Variants in STPG2 observed in about 807,000 individuals in gnomAD.
The protein encoded by STPG2 is sperm tail PG-rich repeat containing 2, also known as sperm-tail PG-rich repeat-containing protein 2.
In STPG2, 56 loss-of-function variants were observed where a neutral mutation model predicts 54.2. The observed-to-expected ratio is 1.03, with a 90% CI of 0.83 to 1.29. The LOEUF (loss-of-function observed/expected upper bound fraction) is 1.29. STPG2 is among the 50% of genes most tolerant of loss of function. The probability of loss-of-function intolerance (pLI) is 0.00; values close to 1 mark genes in which losing one functional copy is unlikely to be tolerated. For synonymous variants in STPG2, 200 were observed against 181.8 expected (o/e 1.10, Z -0.81); for missense variants, 596 against 544.9 (o/e 1.09, Z -0.93).
chr4:97,820,761 G>T (rs1728060925), intron 9 of STPG2, among the ~76,000 whole-genome samples: 1 of 152,070 alleles, frequency 6.6e-6, no homozygotes, highest in Non-Finnish European at 1.5e-5. Context: ...CATATCACAT[G>T]GTGGGAGCAG....
At chr4:98,053,787 T>C (rs747142546) in intron 5 of STPG2, among the ~76,000 whole-genome samples, 24 of 152,152 alleles carry the variant, frequency 1.6e-4, no homozygotes, top group Non-Finnish European at 3.4e-4. Context: ...GCTAAAGATA[T>C]ATAAATCCTG....
chr4:97,639,965 T>C (rs994726409), intron 10 of STPG2, among the ~76,000 whole-genome samples: 5 of 152,108 alleles, frequency 3.3e-5, no homozygotes, highest in African/African-American at 1.2e-4. Context: ...TAACATTTTG[T>C]AGCAACCGTA....
chr4:97,562,133 G>C (rs1306352078), intron 10 of STPG2, among the ~76,000 whole-genome samples: 1 of 152,074 alleles, frequency 6.6e-6, no homozygotes, highest in African/African-American at 2.4e-5. Flanking sequence ...GTGGTTTGTA[G>C]TTCTCCTTGA....
chr4:97,902,487 T>C (rs1168773187), intron 8 of STPG2, among the ~76,000 whole-genome samples: 3 of 152,128 alleles, frequency 2.0e-5, no homozygotes, highest in Admixed American at 6.5e-5. Flanking sequence ...GGCAAAATAC[T>C]TGAATAAGAT....
chr4:97,554,228 G>A (rs895395430), downstream of STPG2, among the ~76,000 whole-genome samples: 4 of 152,134 alleles, frequency 2.6e-5, no homozygotes, highest in Non-Finnish European at 2.9e-5. Context: ...CTCACTCTAT[G>A]CTGAGCAGTG....
chr4:97,570,666 A>G (rs1053816618), intron 10 of STPG2, among the ~76,000 whole-genome samples: 1 of 152,134 alleles, frequency 6.6e-6, no homozygotes, highest in Non-Finnish European at 1.5e-5. Context: ...GTACAGAGGA[A>G]TCTACATTAA....
At chr4:97,972,822 GTACAACC>G (rs1396118298) in intron 6 of STPG2, among the ~76,000 whole-genome samples, 1 of 152,178 alleles carries the variant, frequency 6.6e-6, no homozygotes, top group African/African-American at 2.4e-5. Context: ...GAGTTTCCCT[GTACAACC>G]TCTCTTCTCT....
chr4:97,453,644 G>C (rs1729436041), intron 4 of STPG2, among the ~76,000 whole-genome samples: 1 of 152,162 alleles, frequency 6.6e-6, no homozygotes, highest in Non-Finnish European at 1.5e-5. Flanking sequence ...CAGGCCTCCT[G>C]TTTCCCATCC....
intron 5 of STPG2, among the ~76,000 whole-genome samples, chr4:98,014,027 G>C (rs1735844136): frequency 6.6e-6 from 1 of 151,866 alleles, no homozygotes; most frequent in Non-Finnish European, 1.5e-5. Context: ...GGATTTGTTT[G>C]CTCTTGCTTC....
chr4:98,071,975 T>A (rs922297127), intron 5 of STPG2, among the ~76,000 whole-genome samples: 2 of 152,130 alleles, frequency 1.3e-5, no homozygotes, highest in African/African-American at 4.8e-5. Flanking sequence ...GTAAACTAGT[T>A]CAACCATTGT....
At chr4:98,022,855 G>C (rs892653441) in intron 5 of STPG2, among the ~76,000 whole-genome samples, 4 of 152,150 alleles carry the variant, frequency 2.6e-5, no homozygotes, top group Non-Finnish European at 5.9e-5. Context: ...TCGAGCGTTG[G>C]CTTTCAGCTC....
At chr4:97,697,611 G>A (rs932932529) in intron 10 of STPG2, among the ~76,000 whole-genome samples, 5 of 152,136 alleles carry the variant, frequency 3.3e-5, no homozygotes, top group African/African-American at 1.2e-4. Flanking sequence ...CAAAAAGGGG[G>A]AACTTGTTGG....
chr4:97,710,929 C>T (rs1188874351), intron 10 of STPG2, among the ~76,000 whole-genome samples: 2 of 151,752 alleles, frequency 1.3e-5, no homozygotes, highest in South Asian at 4.2e-4. Context: ...TCAAGAATAC[C>T]TTAACAAACA....
At chr4:98,101,689 T>C (rs1445614985) in intron 5 of STPG2, among the ~76,000 whole-genome samples, 1 of 152,100 alleles carries the variant, frequency 6.6e-6, no homozygotes, top group Non-Finnish European at 1.5e-5. Flanking sequence ...TATCACCTGA[T>C]CACAAATTTA....
At chr4:97,984,113 A>G (rs1734758789) in intron 5 of STPG2, among the ~76,000 whole-genome samples, 2 of 152,162 alleles carry the variant, frequency 1.3e-5, no homozygotes, top group Admixed American at 1.3e-4. Flanking sequence ...TACCATCCCA[A>G]TAAACCAACC....
At chr4:98,134,110 T>C (rs1199220573) in intron 2 of STPG2, among the ~76,000 whole-genome samples, 2 of 151,988 alleles carry the variant, frequency 1.3e-5, no homozygotes, top group Non-Finnish European at 2.9e-5. Context: ...TCAAGGACCA[T>C]ATAGCATGTA....
chr4:97,473,694 C>T (rs1730001211), intron 4 of STPG2, among the ~76,000 whole-genome samples: 1 of 152,146 alleles, frequency 6.6e-6, no homozygotes, highest in African/African-American at 2.4e-5. Flanking sequence ...ACACTCCCTC[C>T]CCTTTTGAAA....
intron 5 of STPG2, chr4:98,025,378 C>CACAG (rs1365001498): frequency 1.2e-5 from 4 of 338,080 alleles, no homozygotes; most frequent in African/African-American, 8.6e-5. Flanking sequence ...GCCTGCAGGC[C>CACAG]TTTGTTCCAC....
chr4:97,629,036 T>C (rs559094634), intron 10 of STPG2, among the ~76,000 whole-genome samples: 53 of 152,116 alleles, frequency 3.5e-4, no homozygotes, highest in African/African-American at 1.2e-3. Flanking sequence ...CTGACTTTGA[T>C]TTCCCATATT....
Sources: gnomAD v4.1 joint callset for allele counts (sites outside exome capture counted in the v4.1 genomes callset) on GRCh38, gnomAD v4.1.1 for gene constraint, MANE v1.5 for transcripts, NCBI Gene and HGNC (gene_info 2026-07-23, HGNC 2026-07-21) for gene names.